Variants in ERBIN observed in about 807,000 individuals in gnomAD.
ERBIN encodes erbb2 interacting protein, also known as densin-180-like protein.
ERBIN carries 60 observed loss-of-function variants against 158.4 expected under a neutral mutation model. The ratio of observed to expected loss-of-function variants is 0.38; its 90% confidence interval spans 0.31 to 0.47. The LOEUF (loss-of-function observed/expected upper bound fraction) is 0.47. ERBIN is among the 20% of genes least tolerant of loss of function. The pLI is 0.99. For synonymous variants in ERBIN, 594 were observed against 557.2 expected (o/e 1.07, Z -0.93); for missense variants, 1,610 against 1,648.0 (o/e 0.98, Z 0.40).
chr5:65,999,521 A>G (rs1275591606), intron 4 of ERBIN, among the ~76,000 whole-genome samples: 3 of 152,170 alleles, frequency 2.0e-5, no homozygotes, highest in Admixed American at 2.0e-4. Context: ...GAAATTTAAC[A>G]TCACAATTCC....
intron 1 of ERBIN, among the ~76,000 whole-genome samples, chr5:65,928,283 TG>T (rs1417314922): frequency 1.3e-5 from 2 of 151,872 alleles, no homozygotes; most frequent in Non-Finnish European, 2.9e-5. Flanking sequence ...TTGTGAACCA[TG>T]GAATAATTCT....
intron 25 of ERBIN, 94 bp downstream of exon 25, chr5:66,077,043 T>C: frequency 1.1e-6 from 1 of 942,770 alleles, no homozygotes. Flanking sequence ...AAATTGTGGG[T>C]GGGAGGCTGA....
chr5:65,977,806 G>A (rs1431372577), intron 1 of ERBIN, among the ~76,000 whole-genome samples: 6 of 152,078 alleles, frequency 3.9e-5, no homozygotes, highest in African/African-American at 7.2e-5. Context: ...CAAGGCAGGC[G>A]GCTGGGAGGT....
At chr5:66,024,924 G>A (rs938759032) in intron 10 of ERBIN, among the ~76,000 whole-genome samples, 2 of 151,962 alleles carry the variant, frequency 1.3e-5, no homozygotes, top group African/African-American at 4.8e-5. Context: ...TCTTTTTGAT[G>A]TTTTAATTTA....
At chr5:65,941,298 C>A (rs1744986104) in intron 1 of ERBIN, among the ~76,000 whole-genome samples, 1 of 130,166 alleles carries the variant, frequency 7.7e-6, no homozygotes, top group Non-Finnish European at 1.6e-5. Context: ...GTGAGAAACA[C>A]CCAAGAATGA....
chr5:66,010,129 C>T (rs1754051245), intron 4 of ERBIN, among the ~76,000 whole-genome samples: 1 of 152,074 alleles, frequency 6.6e-6, no homozygotes, highest in African/African-American at 2.4e-5. Context: ...TGTTAGGTCT[C>T]GTGGGTCCTT....
Position 66,064,898 on chromosome 5 carries a change from C to G in ERBIN, c.3634-7271C>G, listed in dbSNP as rs117932880. On this transcript the variant is annotated intron_variant, in intron 21 of 25. Coordinates refer to ENST00000284037, the MANE Select transcript of ERBIN (RefSeq NM_001253697.2). ...TTTTTTAAATAGAGACAGGGTCTCA[C>G]TATGTTGCCCAGGCTGGTCTCAAAC... Among the ~76,000 whole-genome samples the G allele has an allele frequency of 1.3e-4, 20 of 152,288 alleles. No individual in the cohort carries two copies. In the East Asian group the frequency reaches 3.9e-3, roughly 29 times the overall value.
rs1160713098 is a variant in ERBIN at position 65,977,077 on chromosome 5, T to A, written c.-57-11558T>A. Among the ~76,000 whole-genome samples, 6 of 151,608 alleles carry A rather than the reference T, an allele frequency of 4.0e-5. No individual in the cohort carries two copies. In the East Asian group the frequency reaches 1.2e-3, roughly 30 times the overall value. On this transcript the variant is annotated intron_variant, in intron 1 of 25. Coordinates refer to ENST00000284037, the MANE Select transcript of ERBIN (RefSeq NM_001253697.2). The stretch of plus-strand genomic sequence containing the variant: ...GTGGCCGGGCAGAGGGGCTCCTCAC[T>A]TCCCAGTAGGGGCGGCCGGGCAGAG...
intron 14 of ERBIN, among the ~76,000 whole-genome samples, chr5:66,032,280 T>C (rs1474807351): frequency 5.3e-5 from 8 of 152,192 alleles, no homozygotes; most frequent in Non-Finnish European, 1.0e-4. Flanking sequence ...CTTGTACTCT[T>C]ATCAATTATG....
At chr5:66,077,267 C>T (rs1057228058) in intron 25 of ERBIN, among the ~76,000 whole-genome samples, 2 of 151,788 alleles carry the variant, frequency 1.3e-5, no homozygotes, top group African/African-American at 4.8e-5. Context: ...GGGCTATTGT[C>T]CTTTCAGAAA....
rs1186351579 is a variant in ERBIN, at chr5:65,933,675, A to G, written c.-58+6869A>G. ...TTTGGGTGTCTGGTTCCTCAAGTGT[A>G]TTGCATTTTGTTATTTCCCCGACCC... On this transcript the variant is annotated intron_variant, in intron 1 of 25. Transcript: ENST00000284037. 2.6e-5 allele frequency among the ~76,000 whole-genome samples: 4 copies of G among 151,982 alleles called. No homozygotes were observed. The South Asian group carries it at 6.2e-4, about 24-fold the overall frequency.
intron 1 of ERBIN, among the ~76,000 whole-genome samples, chr5:65,949,839 T>A (rs1746283543): frequency 6.6e-6 from 1 of 152,210 alleles, no homozygotes; most frequent in Admixed American, 6.5e-5. Flanking sequence ...CTTTTATTTT[T>A]TTAATTTTCA....
chr5:66,020,218 C>T (rs889064901), intron 7 of ERBIN, among the ~76,000 whole-genome samples: 1 of 151,986 alleles, frequency 6.6e-6, no homozygotes, highest in Admixed American at 6.5e-5. Flanking sequence ...AAATTCGCTT[C>T]TAATGTAGAC....
intron 19 of ERBIN, among the ~76,000 whole-genome samples, 170 bp downstream of exon 19, chr5:66,048,951 G>A (rs1451608482): frequency 6.6e-6 from 1 of 151,962 alleles, no homozygotes; most frequent in Non-Finnish European, 1.5e-5. Context: ...TTTAGGGAAA[G>A]TCCTTGATAG....
Position 66,063,622 on chromosome 5 carries a change from C to G in ERBIN, c.3634-8547C>G, listed in dbSNP as rs183161366. Among the ~76,000 whole-genome samples, 279 of 152,308 alleles carry G rather than the reference C, an allele frequency of 1.8e-3. 1 individual carries two copies. Among genetic ancestry groups the G allele is most frequent in the African/African-American group, 6.4e-3 (265 of 41,548 alleles). On this transcript the variant is annotated intron_variant, in intron 21 of 25. Transcript: ENST00000284037. ...TGGAAGTGCAGAAAACACCCGTCTTCTGCGTCGCTCACGCTGGGAGCTGTA... is the reference window on the plus strand; with the variant it reads ...TGGAAGTGCAGAAAACACCCGTCTTGTGCGTCGCTCACGCTGGGAGCTGTA...
chr5:65,995,190 C>T (rs1044813306), intron 4 of ERBIN, among the ~76,000 whole-genome samples: 9 of 152,002 alleles, frequency 5.9e-5, no homozygotes, highest in Admixed American at 2.0e-4. Context: ...TTTTTAATTG[C>T]GGTCATCATG....
At chr5:65,927,406 TGTGTAGTGTGTGTTTTTCA>T (rs1025326578) in intron 1 of ERBIN, among the ~76,000 whole-genome samples, 2 of 152,198 alleles carry the variant, frequency 1.3e-5, no homozygotes, top group Non-Finnish European at 2.9e-5. Context: ...TCTTTAGTTG[TGTGTAGTGTGTGTTTTTCA>T]GACGTTTAGC....
rs2151227436 is a variant in ERBIN at position 66,050,819 on chromosome 5, T to C, written c.1940T>C (p.Val647Ala). The change falls in exon 20 of 26, where the codon GTT becomes GCT. Residue 647 changes from valine (V) to alanine (A), a missense_variant. This residue lies in a region of ERBIN where 1,014 missense variants were observed against 936.1 expected (regional missense o/e 1.08). Transcript: ENST00000284037. ...TKETDSLSDE[V>A]THNSNQNNSN... ...GAAACAGATTCTTTATCAGATGAAGTTACACACAATAGCAATCAGAATAAC... is the reference window on the plus strand; with the variant it reads ...GAAACAGATTCTTTATCAGATGAAGCTACACACAATAGCAATCAGAATAAC... The C allele has an allele frequency of 6.3e-7, 1 of 1,583,258 alleles. No homozygotes were observed. Among genetic ancestry groups the C allele is most frequent in the East Asian group, 2.3e-5 (1 of 43,694 alleles).
intron 1 of ERBIN, among the ~76,000 whole-genome samples, chr5:65,935,553 G>A (rs1381355555): frequency 3.3e-5 from 5 of 152,074 alleles, no homozygotes; most frequent in Non-Finnish European, 5.9e-5. Context: ...TTTTAATTCC[G>A]TGATAAAGTA....
Sources: allele counts gnomAD v4.1 joint callset (sites outside exome capture counted in the v4.1 genomes callset), GRCh38; gene constraint gnomAD v4.1.1; regional missense constraint gnomAD v4.1.1; transcripts MANE v1.5; gene names NCBI Gene and HGNC (gene_info 2026-07-23, HGNC 2026-07-21).